KCNG2: variants seen among roughly 807,000 people sequenced by gnomAD.
KCNG2 encodes the protein potassium voltage-gated channel modifier subfamily G member 2.
KCNG2 carries 7 observed loss-of-function variants against 12.3 expected under a neutral mutation model. The observed-to-expected ratio is 0.57, with a 90% CI of 0.32 to 1.07. KCNG2 has a LOEUF of 1.07. KCNG2 is among the 50% of genes least tolerant of loss of function. KCNG2 has a pLI of 0.04. For synonymous variants in KCNG2, 414 were observed against 351.4 expected (o/e 1.18, Z -1.99); for missense variants, 703 against 726.0 (o/e 0.97, Z 0.36).
chr18:79,810,936 T>C (rs1420515736), intron 1 of KCNG2, among the ~76,000 whole-genome samples: 10 of 152,170 alleles, frequency 6.6e-5, no homozygotes, highest in Admixed American at 3.3e-4. Flanking sequence ...TGTTGTTGTA[T>C]ACTAGCAATG....
At chr18:79,869,267 C>T (rs1227348602) in intron 3 of KCNG2, among the ~76,000 whole-genome samples, 1 of 128,728 alleles carries the variant, frequency 7.8e-6, no homozygotes, top group Non-Finnish European at 1.9e-5. Context: ...CAGTAGCTCC[C>T]TGTGGGGAGG....
At position 79,851,615 on chromosome 18, in the gene KCNG2, AGAGTGT is replaced by A. The variant is rs1308791623; in HGVS notation, c.-114-4762_-114-4757del. On this transcript the variant is annotated intron_variant, in intron 1 of 3. Coordinates refer to ENST00000316249, the MANE Select transcript of KCNG2 (RefSeq NM_012283.2). ...GTGTGTGTGCATGTGCGGGTGTGTGAGAGTGTGTGTGTATGTGCGGTGTGCAAGTGT... is the reference window on the plus strand; with the variant it reads ...GTGTGTGTGCATGTGCGGGTGTGTGAGTGTGTATGTGCGGTGTGCAAGTGT... 5.2e-5 allele frequency among the ~76,000 whole-genome samples: 7 copies of A among 134,662 alleles called. No homozygotes were observed. In the East Asian group the frequency reaches 7.3e-4, roughly 14 times the overall value. 88.3% of individuals were successfully genotyped at this position (134,662 alleles called of 152,430 possible).
At chr18:79,851,929 T>C (rs1003817773) in intron 1 of KCNG2, among the ~76,000 whole-genome samples, 1 of 152,224 alleles carries the variant, frequency 6.6e-6, no homozygotes, top group Non-Finnish European at 1.5e-5. Context: ...AACAGCCTTG[T>C]AAGGTAGGTG....
At chr18:79,828,507 CTG>C (rs769924618) in intron 1 of KCNG2, among the ~76,000 whole-genome samples, 444 of 23,776 alleles carry the variant, frequency 0.019, 4 homozygotes, top group African/African-American at 0.02. Flanking sequence ...CTACATGAGT[CTG>C]TGTAGTGTAA....
At chr18:79,856,736 G>A (rs1033983958) in intron 2 of KCNG2, among the ~76,000 whole-genome samples, 10 of 152,102 alleles carry the variant, frequency 6.6e-5, no homozygotes, top group African/African-American at 2.4e-4. Context: ...GGGTTTGCAC[G>A]CTAGGCTTCT....
At chr18:79,873,247 T>C (rs1374937128) in intron 3 of KCNG2, among the ~76,000 whole-genome samples, 1 of 152,204 alleles carries the variant, frequency 6.6e-6, no homozygotes, top group Non-Finnish European at 1.5e-5. Context: ...TCCGTATCAC[T>C]TGGGAGACTT....
intron 1 of KCNG2, among the ~76,000 whole-genome samples, chr18:79,820,071 T>G (rs898410660): frequency 1.3e-5 from 2 of 152,242 alleles, no homozygotes; most frequent in Non-Finnish European, 2.9e-5. Context: ...TCCTATTCTG[T>G]GTCTGGGCAG....
intron 1 of KCNG2, among the ~76,000 whole-genome samples, chr18:79,835,455 A>G (rs1489850042): frequency 1.3e-5 from 2 of 152,242 alleles, no homozygotes; most frequent in African/African-American, 4.8e-5. Flanking sequence ...AACAGATGAG[A>G]AATAGTCTCA....
At chr18:79,860,198 A>G (rs964380398) in intron 2 of KCNG2, among the ~76,000 whole-genome samples, 2 of 152,244 alleles carry the variant, frequency 1.3e-5, no homozygotes, top group African/African-American at 4.8e-5. Context: ...AATGATATCA[A>G]GTAAGTTTGA....
At chr18:79,829,203 T>C (rs892143816) in intron 1 of KCNG2, among the ~76,000 whole-genome samples, 34 of 151,322 alleles carry the variant, frequency 2.2e-4, no homozygotes, top group Non-Finnish European at 4.0e-4. Context: ...TGTGTGTGGG[T>C]GTCTATGTGT....
intron 1 of KCNG2, among the ~76,000 whole-genome samples, chr18:79,853,189 G>A (rs929903370): frequency 6.6e-6 from 1 of 152,368 alleles, no homozygotes; most frequent in South Asian, 2.1e-4. Context: ...TTACATCCTA[G>A]CGGGAGTGGA....
In KCNG2 at chr18:79,857,513, G is replaced by A. The variant is rs79258571; in HGVS notation, c.-41+1061G>A. On this transcript the variant is annotated intron_variant, in intron 2 of 3. Transcript: ENST00000316249. ...CCCTAAAATCTCTAATGAATCACAC[G>A]CTTGGGTCGAGTGGGCAGTCTGCGA... Among the ~76,000 whole-genome samples the A allele has an allele frequency of 4.5e-3, 677 of 151,338 alleles. 4 individuals are homozygous for A. The highest frequency in any genetic ancestry group is 7.8e-3 in the Non-Finnish European group (526 of 67,838).
Position 79,840,697 on chromosome 18 carries a change from A to G in KCNG2, c.-114-15682A>G, listed in dbSNP as rs141415648. 3.0e-3 allele frequency among the ~76,000 whole-genome samples: 463 copies of G among 152,340 alleles called. 1 individual carries two copies. Among genetic ancestry groups the G allele is most frequent in the Middle Eastern group, 6.8e-3 (2 of 294 alleles). ...TCCACCTGATTTCAAGGCATGTTATATAGCTATAATAATTGACACTTTGTG... is the reference window on the plus strand; with the variant it reads ...TCCACCTGATTTCAAGGCATGTTATGTAGCTATAATAATTGACACTTTGTG... On this transcript the variant is annotated intron_variant, in intron 1 of 3. Coordinates refer to ENST00000316249, the MANE Select transcript of KCNG2 (RefSeq NM_012283.2).
At chr18:79,828,637 CTG>C (rs1241912690) in intron 1 of KCNG2, among the ~76,000 whole-genome samples, 5 of 150,120 alleles carry the variant, frequency 3.3e-5, no homozygotes, top group African/African-American at 4.9e-5. Flanking sequence ...GTTCATGTGT[CTG>C]TGTGTATGTC....
intron 1 of KCNG2, among the ~76,000 whole-genome samples, chr18:79,828,680 T>A (rs1341614839): frequency 6.6e-6 from 1 of 151,654 alleles, no homozygotes; most frequent in African/African-American, 2.4e-5. Context: ...TGTCTATGTG[T>A]GCGTGTGTCC....
intron 1 of KCNG2, among the ~76,000 whole-genome samples, chr18:79,819,141 T>C (rs1293715845): frequency 6.6e-6 from 1 of 152,170 alleles, no homozygotes; most frequent in Non-Finnish European, 1.5e-5. Flanking sequence ...CCACGGTAGC[T>C]ATGGGGTGAT....
chr18:79,837,218 A>T (rs1164729769), intron 1 of KCNG2, among the ~76,000 whole-genome samples: 2 of 152,214 alleles, frequency 1.3e-5, no homozygotes, highest in Non-Finnish European at 2.9e-5. Flanking sequence ...AGGCTCTGAG[A>T]TGGTCTCCTT....
intron 1 of KCNG2, among the ~76,000 whole-genome samples, chr18:79,848,739 C>G (rs533881803): frequency 1.3e-5 from 2 of 152,136 alleles, no homozygotes; most frequent in Non-Finnish European, 2.9e-5. Flanking sequence ...CTGTGTATTT[C>G]GCTGAAGAAG....
chr18:79,835,005 A>G (rs622665), intron 1 of KCNG2, among the ~76,000 whole-genome samples: 138,382 of 152,256 alleles, frequency 0.91, 64,410 homozygotes, highest in East Asian at 1. Flanking sequence ...GGCCACCCAT[A>G]TGGGGAGCAG....
Sources: gnomAD v4.1 joint callset for allele counts (sites outside exome capture counted in the v4.1 genomes callset) on GRCh38, gnomAD v4.1.1 for gene constraint, MANE v1.5 for transcripts, NCBI Gene and HGNC (gene_info 2026-07-23, HGNC 2026-07-21) for gene names.